PSMA1: variants seen among roughly 807,000 people sequenced by gnomAD.
PSMA1 encodes the protein proteasome subunit alpha type-1.
Under a neutral mutation model 38.4 loss-of-function variants are expected in PSMA1, and 3 were observed. The ratio of observed to expected loss-of-function variants is 0.08; its 90% CI spans 0.04 to 0.20. The LOEUF (loss-of-function observed/expected upper bound fraction) is 0.20, where lower values mean the gene tolerates loss of function less well. PSMA1 is among the 10% of genes least tolerant of loss of function. The pLI is 1.00. For synonymous variants in PSMA1, 101 were observed against 107.1 expected, an observed-to-expected ratio of 0.94 and a Z score of 0.35; for missense variants, 227 against 325.3, an observed-to-expected ratio of 0.70 and a Z score of 2.32.
At chr11:14,553,977 G>T (rs563226110) in intron 2 of PSMA1, among the ~76,000 whole-genome samples, 15 of 152,226 alleles carry the variant, frequency 9.9e-5, no homozygotes, top group Non-Finnish European at 1.6e-4. Flanking sequence ...CAGGCATTTA[G>T]TATTGTCATT....
At chr11:14,511,133 T>C in intron 7 of PSMA1, 182 bp from the exon 8 acceptor site, 1 of 398,166 alleles carries the variant, frequency 2.5e-6, no homozygotes. Context: ...CATTGCTGAT[T>C]CTTATTTTAT....
At chr11:14,536,796 T>C (rs1851714546) in intron 2 of PSMA1, among the ~76,000 whole-genome samples, 1 of 151,862 alleles carries the variant, frequency 6.6e-6, no homozygotes, top group African/African-American at 2.4e-5. Context: ...TTTCTATTTT[T>C]AGTAGAGATG....
At chr11:14,511,084 T>C (rs1017124848) in intron 7 of PSMA1, 133 bp from the exon 8 acceptor site, 1 of 484,630 alleles carries the variant, frequency 2.1e-6, no homozygotes, top group African/African-American at 2.0e-5. Flanking sequence ...ACAGCCAAGT[T>C]TAATGCTAGT....
At chr11:14,598,406 C>T (rs897548658) in intron 2 of PSMA1, among the ~76,000 whole-genome samples, 2 of 152,178 alleles carry the variant, frequency 1.3e-5, no homozygotes, top group South Asian at 4.2e-4. Flanking sequence ...TCTCTAAGGA[C>T]TTGCTTTATG....
chr11:14,520,307 G>A lies in PSMA1; in HGVS notation c.-8C>T. 5 of 1,614,210 alleles carry A rather than the reference G, an allele frequency of 3.1e-6. No homozygotes were observed. Among genetic ancestry groups the A allele is most frequent in the Non-Finnish European group, 4.2e-6 (5 of 1,180,004 alleles). ...CGGGATTCAACGTACCATGGTGGCG[G>A]CGCGGGCCTGGTTGCGGCCTCCAGC... On this transcript the variant is annotated 5_prime_UTR_variant, in exon 1 of 10. Transcript: ENST00000396394.
intron 1 of PSMA1, among the ~76,000 whole-genome samples, chr11:14,636,284 G>A (rs183831109): frequency 3.5e-4 from 53 of 152,232 alleles, no homozygotes; most frequent in Admixed American, 1.0e-3. Flanking sequence ...ATTGACACCC[G>A]TGGTTACTTT....
At chr11:14,640,662 A>C (rs778874935) in intron 1 of PSMA1, among the ~76,000 whole-genome samples, 1 of 152,250 alleles carries the variant, frequency 6.6e-6, no homozygotes, top group Non-Finnish European at 1.5e-5. Flanking sequence ...CTTGGGCAAC[A>C]GAGTCGCTAC....
chr11:14,609,028 G>A (rs902489589), intron 2 of PSMA1, among the ~76,000 whole-genome samples: 6 of 152,110 alleles, frequency 3.9e-5, no homozygotes, highest in East Asian at 1.9e-4. Context: ...CCTCAGTAGC[G>A]CAGTTCCTAG....
rs565681869 is a variant in PSMA1, at chr11:14,589,391, A to G, written c.21+21575T>C. On this transcript the variant is annotated intron_variant, in intron 2 of 10. Coordinates refer to the PSMA1 transcript ENST00000418988. ...TGTGTGTGTGTGTGTGTGTATATAT[A>G]TGTGTGTGTATATATATATGTGTAT... 1.3e-3 allele frequency among the ~76,000 whole-genome samples: 189 copies of G among 149,730 alleles called. 4 individuals carry two copies. In the South Asian group the frequency reaches 0.028, roughly 22 times the overall value.
intron 2 of PSMA1, among the ~76,000 whole-genome samples, chr11:14,547,036 T>C (rs2134166918): frequency 6.6e-6 from 1 of 152,362 alleles, no homozygotes; most frequent in African/African-American, 2.4e-5. Context: ...GTTTCCATCA[T>C]AATGAAATGA....
At chr11:14,637,865 A>G (rs906539817) in intron 1 of PSMA1, among the ~76,000 whole-genome samples, 1 of 152,228 alleles carries the variant, frequency 6.6e-6, no homozygotes, top group Non-Finnish European at 1.5e-5. Context: ...TATTGAAAGT[A>G]AGGCTTAAAA....
At chr11:14,544,367 T>C (rs1851803883) in intron 2 of PSMA1, among the ~76,000 whole-genome samples, 1 of 151,734 alleles carries the variant, frequency 6.6e-6, no homozygotes, top group Admixed American at 6.6e-5. Flanking sequence ...GCAAATAATA[T>C]CATCAGGAAA....
intron 2 of PSMA1, among the ~76,000 whole-genome samples, chr11:14,593,661 A>AGC (rs1554971835): frequency 9.9e-5 from 13 of 131,652 alleles, no homozygotes; most frequent in East Asian, 8.9e-4. Flanking sequence ...AGAGAGAGAG[A>AGC]GCGCCAGCCC....
chr11:14,638,545 CTATATATATATATA>C (rs1243564648), intron 1 of PSMA1, among the ~76,000 whole-genome samples: 108 of 15,932 alleles, frequency 6.8e-3, no homozygotes, highest in Middle Eastern at 0.042. Context: ...CTCTCTCTCT[CTATATATATATATA>C]TATATATATA....
chr11:14,571,224 G>A (rs1349437496), intron 2 of PSMA1, among the ~76,000 whole-genome samples: 3 of 152,066 alleles, frequency 2.0e-5, no homozygotes, highest in East Asian at 1.9e-4. Context: ...CACCACGCCC[G>A]GCTAATTTTT....
At chr11:14,561,025 T>G (rs1852001837) in intron 2 of PSMA1, among the ~76,000 whole-genome samples, 1 of 152,218 alleles carries the variant, frequency 6.6e-6, no homozygotes, top group South Asian at 2.1e-4. Flanking sequence ...ACATAATATT[T>G]TTCTTTTCAT....
At chr11:14,634,663 C>T (rs1404677431) in intron 1 of PSMA1, among the ~76,000 whole-genome samples, 1 of 151,978 alleles carries the variant, frequency 6.6e-6, no homozygotes, top group Non-Finnish European at 1.5e-5. Context: ...GCTTTCTATG[C>T]CCATGATACA....
chr11:14,564,617 A>C (rs928714303), intron 2 of PSMA1, among the ~76,000 whole-genome samples: 6 of 152,206 alleles, frequency 3.9e-5, no homozygotes, highest in Admixed American at 2.6e-4. Context: ...AGAAATTGCC[A>C]AACTGTCAGA....
chr11:14,599,530 T>C (rs1471863354), intron 2 of PSMA1, among the ~76,000 whole-genome samples: 2 of 152,230 alleles, frequency 1.3e-5, no homozygotes, highest in African/African-American at 4.8e-5. Flanking sequence ...TTGATCACAT[T>C]GGCTATTGAA....
Sources: gnomAD v4.1 joint callset for allele counts (sites outside exome capture counted in the v4.1 genomes callset) on GRCh38, gnomAD v4.1.1 for gene constraint, MANE v1.5 for transcripts, NCBI Gene and HGNC (gene_info 2026-07-23, HGNC 2026-07-21) for gene names.